The following ULK1 variants were observed in gnomAD, a reference collection of about 807,000 sequenced individuals.
The protein encoded by ULK1 is unc-51 like autophagy activating kinase 1.
Under a neutral mutation model 117.5 loss-of-function variants are expected in ULK1, and 48 were observed. The ratio of observed to expected loss-of-function variants is 0.41; its 90% confidence interval spans 0.32 to 0.52. The LOEUF is 0.52. ULK1 is among the 20% of genes least tolerant of loss of function. The probability of loss-of-function intolerance (pLI) is 0.29; values close to 1 mark genes in which losing one functional copy is unlikely to be tolerated. For synonymous variants in ULK1, 790 were observed against 637.8 expected (o/e 1.24, Z -3.60); for missense variants, 1,387 against 1,473.4 (o/e 0.94, Z 0.96).
chr12:131,910,631 C>T, intron 11 of ULK1, 81 bp from the exon 12 acceptor site: 1 of 1,611,956 alleles, frequency 6.2e-7, no homozygotes, highest in South Asian at 1.1e-5. Context: ...TATGGTTGAG[C>T]TTGTCCAGTC....
chr12:131,895,204 C>G, intron 1 of ULK1, 92 bp downstream of exon 1: 4 of 996,832 alleles, frequency 4.0e-6, no homozygotes, highest in Non-Finnish European at 5.6e-6. Context: ...CGGGACCCCC[C>G]CACGCCTCCC....
chr12:131,917,052 C>A lies in ULK1; in HGVS notation c.2172C>A (p.Pro724=). 7.8e-7 allele frequency: 1 copy of A among 1,289,148 alleles called. No individual in the cohort carries two copies. Among genetic ancestry groups the A allele is most frequent in the Non-Finnish European group, 1.0e-6 (1 of 986,134 alleles). 79.9% of individuals were successfully genotyped at this position (1,289,148 alleles called of 1,614,324 possible). Residue 724 remains proline, a synonymous_variant, in exon 21 of 28, where the codon CCC becomes CCA. Transcript: ENST00000321867. ...PGSTESLQEK[P]MEIAPSAGFG... ...GCACGGAGAGCCTGCAGGAGAAGCC[C>A]ATGGAGATCGGTGTGTGGGTGGGTG... is the stretch of plus-strand genomic sequence containing the variant.
chr12:131,899,345 C>T (rs1263496171), intron 3 of ULK1, among the ~76,000 whole-genome samples: 9 of 152,004 alleles, frequency 5.9e-5, no homozygotes, highest in Admixed American at 1.3e-4. Context: ...TGCGCCACCA[C>T]GCCTGGCTAA....
chr12:131,914,498 T>C (rs1300350936), intron 16 of ULK1, 21 bp downstream of exon 16: 3 of 1,606,378 alleles, frequency 1.9e-6, no homozygotes, highest in Middle Eastern at 1.7e-4. Context: ...AGCCCCCAGG[T>C]AGCCAGGCGT....
At chr12:131,895,350 AC>A (rs1375403670) in intron 1 of ULK1, among the ~76,000 whole-genome samples, 8 of 144,262 alleles carry the variant, frequency 5.5e-5, no homozygotes. Flanking sequence ...TCACTCCGAG[AC>A]CCCCAGCCCG....
At chr12:131,895,522 C>A in intron 1 of ULK1, 79 bp from the exon 2 acceptor site, 2 of 1,231,042 alleles carry the variant, frequency 1.6e-6, no homozygotes, top group Non-Finnish European at 2.3e-6. Flanking sequence ...CATCTCAGGG[C>A]CCCACCTGTG....
At chr12:131,912,676 C>G (rs4964921) in intron 13 of ULK1, among the ~76,000 whole-genome samples, 101,558 of 152,214 alleles carry the variant, frequency 0.67, 37,308 homozygotes, top group Non-Finnish European at 0.84. Context: ...TCCGCCTCTC[C>G]CATCAGCATG....
rs545641034 is a variant in ULK1, at chr12:131,915,980, C to T, written c.1699C>T (p.Arg567Cys). 1.1e-4 allele frequency: 185 copies of T among 1,612,478 alleles called. No homozygotes were observed. The highest frequency in any genetic ancestry group is 5.0e-4 in the Admixed American group (30 of 59,992). ...APNLSDLHVVRPKLPKPPTDP... is the reference protein window; with the variant it reads ...APNLSDLHVVCPKLPKPPTDP... ...CAACCTGTCTGACTTGCACGTCGTC[C>T]GCCCCAAGCTGCCCAAACCCCCCAC... The change falls in exon 19 of 28, where the codon CGC becomes TGC. Residue 567 changes from arginine (R) to cysteine (C), a missense_variant. Transcript: ENST00000321867.
rs376844686 is a variant in ULK1, at chr12:131,915,207, C to T, written c.1498C>T (p.Arg500Trp). The change falls in exon 17 of 28, where the codon CGG becomes TGG. Residue 500 changes from arginine to tryptophan, a missense_variant. Coordinates refer to ENST00000321867, the MANE Select transcript of ULK1 (RefSeq NM_003565.4). ...CAGGAAGATGTCTCTGGGTGGAGGC[C>T]GGCCCTACACGCCATCTCCTCAAGG... The part of the protein sequence containing the change: ...LARKMSLGGG[R>W]PYTPSPQVGT... 33 of 1,598,722 alleles carry T rather than the reference C, an allele frequency of 2.1e-5. No homozygotes were observed. The East Asian group carries it at 2.5e-4, about 12-fold the overall frequency.
At chr12:131,899,721 C>T (rs1419274286) in intron 3 of ULK1, among the ~76,000 whole-genome samples, 3 of 152,224 alleles carry the variant, frequency 2.0e-5, no homozygotes, top group African/African-American at 7.2e-5. Flanking sequence ...CCATGCTTAA[C>T]ACCATGGCCC....
rs375877520 is a variant in ULK1 at position 131,916,384 on chromosome 12, C to T, written c.1879-14C>T. On this transcript the variant is annotated splice_polypyrimidine_tract_variant and intron_variant, in intron 19 of 27. Transcript: ENST00000321867. ...ACCTGCGGGGCAGTCTTCACCCCAT[C>T]TCTGTCCTCCTAGGCTGTGCCCTCC... The T allele has an allele frequency of 1.9e-6, 3 of 1,553,688 alleles. No homozygotes were observed. Among genetic ancestry groups the T allele is most frequent in the Non-Finnish European group, 2.6e-6 (3 of 1,149,626 alleles).
In ULK1 at chr12:131,903,801, C is replaced by G. The variant is rs1368347768; in HGVS notation, c.247-3091C>G. On this transcript the variant is annotated intron_variant, in intron 3 of 27. Coordinates refer to ENST00000321867, the MANE Select transcript of ULK1 (RefSeq NM_003565.4). The surrounding 1 kb of genome is among the most constrained non-coding windows in gnomAD (Gnocchi z 6.0). ...AGAGGCTGGAGGTGCTTCGGTCCCA[C>G]AGCCCCCTGCCCACTCCCTCCTGGG... Among the ~76,000 whole-genome samples the G allele has an allele frequency of 6.6e-6, 1 of 152,158 alleles. No individual in the cohort carries two copies. The highest frequency in any genetic ancestry group is 1.5e-5 in the Non-Finnish European group (1 of 68,018).
Position 131,913,641 on chromosome 12 carries a change from G to A in ULK1, c.1158-106G>A, listed in dbSNP as rs112880274. 3.2e-5 allele frequency: 23 copies of A among 722,804 alleles called. 1 individual carries two copies. Among genetic ancestry groups the A allele is most frequent in the African/African-American group, 2.2e-4 (11 of 50,304 alleles). The allele number at this position is 722,804 out of a possible 1,614,324, so 44.8% of individuals were successfully genotyped here. ...AATCGCTTGAACCCAGGAAGCAGAGGTTGCAGTGAGCCGAGATTGCGCCAC... is the reference window on the plus strand; with the variant it reads ...AATCGCTTGAACCCAGGAAGCAGAGATTGCAGTGAGCCGAGATTGCGCCAC... On this transcript the variant is annotated intron_variant, in intron 14 of 27. Coordinates refer to ENST00000321867, the MANE Select transcript of ULK1 (RefSeq NM_003565.4).
chr12:131,909,048 G>T (rs1889403752), intron 7 of ULK1, 77 bp downstream of exon 7: 1 of 1,609,750 alleles, frequency 6.2e-7, no homozygotes, highest in Non-Finnish European at 8.5e-7. Context: ...CGTGTGGTGC[G>T]CTCTGCTCTG....
In ULK1 at chr12:131,902,458, G is replaced by A. The variant is rs115104016; in HGVS notation, c.247-4434G>A. On this transcript the variant is annotated intron_variant, in intron 3 of 27. Coordinates refer to ENST00000321867, the MANE Select transcript of ULK1 (RefSeq NM_003565.4). This position sits in a 1 kb window ranked among gnomAD's most constrained non-coding sequence, Gnocchi z 6.3. Reference sequence around the variant, plus strand: ...CTGGGACACCTGGCTCTGGCCGGCCGTGGGTGCGTGTGTGCAGGGTGTGGG... The same window carrying A: ...CTGGGACACCTGGCTCTGGCCGGCCATGGGTGCGTGTGTGCAGGGTGTGGG... 6.6e-6 allele frequency among the ~76,000 whole-genome samples: 1 copy of A among 152,196 alleles called. No individual in the cohort carries two copies. Among genetic ancestry groups the A allele is most frequent in the Non-Finnish European group, 1.5e-5 (1 of 68,032 alleles).
Position 131,914,361 on chromosome 12 carries a change from C to G in ULK1, c.1257C>G (p.Gly419=), listed in dbSNP as rs781764956. The G allele has an allele frequency of 4.3e-6, 7 of 1,610,716 alleles. No individual in the cohort carries two copies. Among genetic ancestry groups the G allele is most frequent in the Middle Eastern group, 1.6e-4 (1 of 6,082 alleles). The stretch of plus-strand genomic sequence containing the variant: ...CCTCTCTCCACCACAGCCGGGCTGG[C>G]CCGTTCTCCAGCAGCAGGTGCGGCG... The part of the protein sequence containing the change: ...SSSPSPSGRA[G]PFSSSRCGAS... The change falls in exon 16 of 28, where the codon GGC becomes GGG. Residue 419 remains glycine, a synonymous_variant. Coordinates refer to ENST00000321867, the MANE Select transcript of ULK1 (RefSeq NM_003565.4).
intron 12 of ULK1, 130 bp from the exon 13 acceptor site, chr12:131,911,812 T>G (rs1293499799): frequency 5.4e-6 from 7 of 1,297,864 alleles, no homozygotes; most frequent in Non-Finnish European, 7.5e-6. Context: ...AAGAAAGACG[T>G]GCCCAGCCCT....
intron 3 of ULK1, among the ~76,000 whole-genome samples, chr12:131,898,765 G>A (rs968237808): frequency 6.6e-6 from 1 of 152,142 alleles, no homozygotes; most frequent in East Asian, 1.9e-4. Flanking sequence ...CCAAAGTGGT[G>A]GGATTGCAGG....
rs56390341 is a variant in ULK1 at position 131,911,986 on chromosome 12, G to A, written c.993G>A (p.Pro331=). Residue 331 remains proline (P), a synonymous_variant, in exon 13 of 28, where the codon CCG becomes CCA. Transcript: ENST00000321867. ...MQQLQKTLAS[P]ADTAGFLHSS... is the part of the protein sequence containing the mutation. Reference sequence around the variant, plus strand: ...AGCTGCAGAAGACCCTGGCCTCCCCGGCTGACACCGCTGGCTTCCTGCACA... The same window carrying A: ...AGCTGCAGAAGACCCTGGCCTCCCCAGCTGACACCGCTGGCTTCCTGCACA... 4.0e-4 allele frequency: 646 copies of A among 1,612,864 alleles called. 7 individuals carry two copies. In the East Asian group the frequency reaches 0.012, roughly 31 times the overall value.
Sources: allele counts gnomAD v4.1 joint callset (sites outside exome capture counted in the v4.1 genomes callset), GRCh38; gene constraint gnomAD v4.1.1; non-coding constraint Gnocchi (gnomAD v3.1); transcripts MANE v1.5; gene names NCBI Gene and HGNC (gene_info 2026-07-23, HGNC 2026-07-21).